EEFSEC: variants seen among roughly 807,000 people sequenced by gnomAD.
EEFSEC encodes the protein eukaryotic elongation factor, selenocysteine-tRNA specific, also known as selenocysteine-specific elongation factor.
EEFSEC carries 43 observed loss-of-function variants against 42.1 expected under a neutral mutation model. The ratio of observed to expected loss-of-function variants is 1.02; its 90% CI spans 0.80 to 1.32. The LOEUF (loss-of-function observed/expected upper bound fraction) is 1.32, where lower values mean the gene tolerates loss of function less well. Among genes scored for constraint, EEFSEC ranks in the 40% most tolerant of loss-of-function variants. The pLI is 0.00. For synonymous variants in EEFSEC, 354 were observed against 339.1 expected (o/e 1.04, Z -0.48); for missense variants, 745 against 803.6 (o/e 0.93, Z 0.88).
At chr3:128,232,346 TAGTC>T in intron 1 of EEFSEC, among the ~76,000 whole-genome samples, 1 of 152,290 alleles carries the variant, frequency 6.6e-6, no homozygotes. Context: ...AAAAGTAGAA[TAGTC>T]AGTCTTTTTA....
chr3:128,331,339 C>A (rs111215285), intron 4 of EEFSEC, among the ~76,000 whole-genome samples: 2 of 71,812 alleles, frequency 2.8e-5, no homozygotes, highest in Non-Finnish European at 5.8e-5. Flanking sequence ...CCCCTCTTCC[C>A]CCCTTCCTCA....
chr3:128,208,915 TCA>T (rs2065727782), intron 1 of EEFSEC, among the ~76,000 whole-genome samples: 1 of 152,220 alleles, frequency 6.6e-6, no homozygotes, highest in African/African-American at 2.4e-5. Context: ...CGTTGTGAAT[TCA>T]CAGTCTTATA....
At chr3:128,364,903 TG>T (rs1413946452) in intron 6 of EEFSEC, among the ~76,000 whole-genome samples, 2 of 152,142 alleles carry the variant, frequency 1.3e-5, no homozygotes, top group Non-Finnish European at 2.9e-5. Context: ...TGCTAGTAAG[TG>T]AATGGGCCAG....
chr3:128,354,003 T>A (rs1476506826), intron 5 of EEFSEC, among the ~76,000 whole-genome samples: 1 of 152,108 alleles, frequency 6.6e-6, no homozygotes, highest in African/African-American at 2.4e-5. Flanking sequence ...TCTCTGCTGC[T>A]CCAGCCTCCC....
At chr3:128,225,567 G>A (rs2065900107) in intron 1 of EEFSEC, among the ~76,000 whole-genome samples, 2 of 152,248 alleles carry the variant, frequency 1.3e-5, no homozygotes, top group African/African-American at 4.8e-5. Context: ...TGTGAATGCA[G>A]ATGTAAGCAT....
chr3:128,256,277 C>A (rs2066240941), intron 2 of EEFSEC, among the ~76,000 whole-genome samples: 1 of 152,058 alleles, frequency 6.6e-6, no homozygotes, highest in Admixed American at 6.5e-5. Context: ...ATTTTGTTTT[C>A]TTTGTGTTTA....
At chr3:128,177,809 T>C (rs1427371645) in intron 1 of EEFSEC, among the ~76,000 whole-genome samples, 3 of 152,216 alleles carry the variant, frequency 2.0e-5, no homozygotes, top group Non-Finnish European at 4.4e-5. Flanking sequence ...AGGAGCAGGC[T>C]CAAGTTTGCT....
chr3:128,277,788 G>A (rs1441123317), intron 4 of EEFSEC, among the ~76,000 whole-genome samples: 2 of 152,262 alleles, frequency 1.3e-5, no homozygotes, highest in Non-Finnish European at 2.9e-5. Flanking sequence ...CAGGACAGGG[G>A]AGAGTTCTCT....
At chr3:128,190,061 C>T (rs1200445220) in intron 1 of EEFSEC, among the ~76,000 whole-genome samples, 3 of 152,196 alleles carry the variant, frequency 2.0e-5, no homozygotes, top group South Asian at 2.1e-4. Context: ...CGGGGTTTCA[C>T]CATGTCCCCC....
At chr3:128,328,155 A>ACTTGCC (rs2067086031) in intron 4 of EEFSEC, among the ~76,000 whole-genome samples, 2 of 152,192 alleles carry the variant, frequency 1.3e-5, no homozygotes, top group Admixed American at 6.5e-5. Context: ...AAGTTACAGA[A>ACTTGCC]CTTGCCCACA....
At chr3:128,291,150 G>C (rs2066640300) in intron 4 of EEFSEC, among the ~76,000 whole-genome samples, 1 of 151,742 alleles carries the variant, frequency 6.6e-6, no homozygotes, top group Non-Finnish European at 1.5e-5. Flanking sequence ...GGCTTGCTCT[G>C]TCATCCAGGC....
At chr3:128,339,756 C>G (rs779756943) in intron 4 of EEFSEC, among the ~76,000 whole-genome samples, 1 of 152,152 alleles carries the variant, frequency 6.6e-6, no homozygotes, top group Non-Finnish European at 1.5e-5. Flanking sequence ...ATACCCAAGA[C>G]TGGGTAATTT....
intron 4 of EEFSEC, among the ~76,000 whole-genome samples, chr3:128,309,193 C>A (rs564084900): frequency 6.6e-6 from 1 of 152,102 alleles, no homozygotes; most frequent in Admixed American, 6.5e-5. Flanking sequence ...ACCTGAATTC[C>A]GGTGGGTGGC....
chr3:128,303,865 G>T (rs1441983693), intron 4 of EEFSEC, among the ~76,000 whole-genome samples: 1 of 152,100 alleles, frequency 6.6e-6, no homozygotes, highest in Non-Finnish European at 1.5e-5. Context: ...CAAGGAGAAA[G>T]CACAGTATCT....
At chr3:128,323,990 G>A (rs548620149) in intron 4 of EEFSEC, among the ~76,000 whole-genome samples, 2 of 152,202 alleles carry the variant, frequency 1.3e-5, no homozygotes, top group East Asian at 1.9e-4. Context: ...TGAAGGGGCG[G>A]TGGGCTCCCC....
At chr3:128,242,188 A>G (rs2066078689) in intron 1 of EEFSEC, among the ~76,000 whole-genome samples, 1 of 152,074 alleles carries the variant, frequency 6.6e-6, no homozygotes, top group Admixed American at 6.5e-5. Context: ...GTATGGTGGC[A>G]TGCACCTGTA....
intron 5 of EEFSEC, among the ~76,000 whole-genome samples, chr3:128,345,301 CTT>C (rs2067300063): frequency 6.6e-6 from 1 of 152,182 alleles, no homozygotes; most frequent in African/African-American, 2.4e-5. Flanking sequence ...TGGGTCCACT[CTT>C]TTCCCTGGGA....
intron 1 of EEFSEC, among the ~76,000 whole-genome samples, chr3:128,235,308 A>G (rs996941550): frequency 6.6e-6 from 1 of 151,758 alleles, no homozygotes; most frequent in African/African-American, 2.4e-5. Context: ...GGCTCAAGCA[A>G]TCCCCCCACC....
intron 1 of EEFSEC, among the ~76,000 whole-genome samples, chr3:128,209,276 G>C (rs1476004552): frequency 6.6e-6 from 1 of 152,212 alleles, no homozygotes; most frequent in Non-Finnish European, 1.5e-5. Flanking sequence ...GTTTGTACTA[G>C]GTGAGACTTT....
Sources: allele counts gnomAD v4.1 joint callset (sites outside exome capture counted in the v4.1 genomes callset), GRCh38; gene constraint gnomAD v4.1.1; transcripts MANE v1.5; gene names NCBI Gene and HGNC (gene_info 2026-07-23, HGNC 2026-07-21).